DAB1: variants seen among roughly 807,000 people sequenced by gnomAD.
DAB1 encodes disabled homolog 1.
In DAB1, 15 loss-of-function variants were observed where a neutral mutation model predicts 64.6. The observed-to-expected ratio is 0.23, with a 90% CI of 0.16 to 0.36. The LOEUF (loss-of-function observed/expected upper bound fraction) is 0.36, where lower values mean the gene tolerates loss of function less well. Ranked by LOEUF, DAB1 falls within the 10% of genes least tolerant of loss-of-function variation. The probability of loss-of-function intolerance (pLI) is 1.00; values close to 1 mark genes in which losing one functional copy is unlikely to be tolerated. For synonymous variants in DAB1, 235 were observed against 251.9 expected (o/e 0.93, Z 0.64); for missense variants, 596 against 706.7 (o/e 0.84, Z 1.78).
intron 2 of DAB1, among the ~76,000 whole-genome samples, chr1:57,286,552 G>A (rs1260163471): frequency 6.6e-6 from 1 of 152,074 alleles, no homozygotes; most frequent in African/African-American, 2.4e-5. Context: ...ATTATGCATG[G>A]TTACTTTGTC....
intron 7 of DAB1, among the ~76,000 whole-genome samples, chr1:57,448,509 C>T (rs12044874): frequency 0.65 from 98,653 of 152,032 alleles, 32,504 homozygotes; most frequent in East Asian, 0.96. Context: ...ACTAACAACA[C>T]TTGATTGTTA....
chr1:57,850,835 C>T lies in DAB1; in HGVS notation n.88-24380G>A, dbSNP rs75912048. Among the ~76,000 whole-genome samples the T allele has an allele frequency of 7.9e-5, 12 of 152,294 alleles. No individual in the cohort carries two copies. The East Asian group carries it at 2.3e-3, about 29-fold the overall frequency. ...AGCTGTGCGTGACTTGAAATTTAAG[C>T]ATTCCTCTTTCAACTCTCTGATAAG... is the stretch of plus-strand genomic sequence containing the variant. On this transcript the variant is annotated intron_variant and non_coding_transcript_variant, in intron 1 of 1. Transcript: ENST00000477280.
At chr1:58,512,617 C>T (rs187053171) in intron 2 of DAB1, among the ~76,000 whole-genome samples, 2 of 152,260 alleles carry the variant, frequency 1.3e-5, no homozygotes, top group Admixed American at 1.3e-4. Flanking sequence ...ACCTTGAGGA[C>T]ATTAAGCTAA....
At chr1:57,136,762 C>T (rs1299682261) in intron 3 of DAB1, 121 bp from the exon 4 acceptor site, 4 of 481,080 alleles carry the variant, frequency 8.3e-6, no homozygotes, top group South Asian at 5.2e-5. Context: ...GCTTTCCCTT[C>T]GCACTTCCAT....
intron 3 of DAB1, among the ~76,000 whole-genome samples, chr1:58,421,986 T>C (rs1569757407): frequency 6.7e-6 from 1 of 149,196 alleles, no homozygotes; most frequent in Non-Finnish European, 1.5e-5. Context: ...TTGGGTGCTA[T>C]TAAGTAGACG....
intron 5 of DAB1, among the ~76,000 whole-genome samples, chr1:57,929,103 G>A (rs1275750315): frequency 6.6e-6 from 1 of 152,210 alleles, no homozygotes; most frequent in East Asian, 1.9e-4. Flanking sequence ...CCAGCATTTA[G>A]TAGTCCCTGA....
chr1:57,865,903 G>T (rs974996520), intron 1 of DAB1, among the ~76,000 whole-genome samples: 3 of 152,116 alleles, frequency 2.0e-5, no homozygotes, highest in Non-Finnish European at 4.4e-5. Flanking sequence ...TCTGGGGTCT[G>T]GGAAATCCAA....
At chr1:57,621,147 G>T (rs1361442840) in intron 7 of DAB1, among the ~76,000 whole-genome samples, 1 of 151,482 alleles carries the variant, frequency 6.6e-6, no homozygotes, top group Non-Finnish European at 1.5e-5. Flanking sequence ...GTGTATTGGG[G>T]GAGACAACAG....
In DAB1 at chr1:57,254,983, G is replaced by A. The variant is rs1045879328; in HGVS notation, c.67+35981C>T. Among the ~76,000 whole-genome samples the A allele has an allele frequency of 4.6e-5, 7 of 152,012 alleles. No homozygotes were observed. In the South Asian group the frequency reaches 8.3e-4, roughly 18 times the overall value. On this transcript the variant is annotated intron_variant, in intron 2 of 14. Coordinates refer to ENST00000371236, the MANE Select transcript of DAB1 (RefSeq NM_001365792.1). ...ATACAGCATTCTTTATGTCCATAAC[G>A]TAGAAGGCAAAAGACTACTATTTTT...
intron 6 of DAB1, among the ~76,000 whole-genome samples, chr1:57,747,911 G>A (rs566640125): frequency 3.3e-5 from 5 of 150,826 alleles, no homozygotes; most frequent in East Asian, 2.0e-4. Context: ...ATAGAGTGTC[G>A]CTGGAAGGCT....
intron 1 of DAB1, among the ~76,000 whole-genome samples, chr1:58,540,667 T>A (rs55721304): frequency 0.12 from 17,346 of 148,420 alleles, 1,191 homozygotes; most frequent in African/African-American, 0.19. Context: ...TTTGAAGACG[T>A]ATCAATAGAA....
rs182424603 is a variant in DAB1 at position 58,162,099 on chromosome 1, G to A, written n.310-11511C>T. On this transcript the variant is annotated intron_variant and non_coding_transcript_variant, in intron 4 of 20. Coordinates refer to the DAB1 transcript ENST00000485760. ...AATGTTCGGTGATAGATAGGATGTA[G>A]GGCATGAAAGAGAGGGAGGTATAAA... Among the ~76,000 whole-genome samples, 329 of 152,216 alleles carry A rather than the reference G, an allele frequency of 2.2e-3. 3 individuals carry two copies. The highest frequency in any genetic ancestry group is 1.3e-3 in the Non-Finnish European group (86 of 67,998).
rs749812553 is a variant in DAB1 at position 57,217,118 on chromosome 1, G to A, written c.68-71689C>T. Among the ~76,000 whole-genome samples the A allele has an allele frequency of 2.6e-5, 4 of 152,268 alleles. No individual in the cohort carries two copies. In the South Asian group the frequency reaches 6.2e-4, roughly 24 times the overall value. On this transcript the variant is annotated intron_variant, in intron 2 of 14. Coordinates refer to ENST00000371236, the MANE Select transcript of DAB1 (RefSeq NM_001365792.1). ...GCCTTCTCAGGATGGCACAGATAAC[G>A]ATATTGAAAGAACTGCCTAAGAAAA... is the stretch of plus-strand genomic sequence containing the variant.
At chr1:57,523,792 G>T (rs550258410) in intron 7 of DAB1, among the ~76,000 whole-genome samples, 2 of 152,116 alleles carry the variant, frequency 1.3e-5, no homozygotes, top group Non-Finnish European at 2.9e-5. Flanking sequence ...GGGTGTGATG[G>T]TGCATCCCTG....
At chr1:57,975,889 T>C (rs1043322469) in intron 5 of DAB1, among the ~76,000 whole-genome samples, 2 of 152,204 alleles carry the variant, frequency 1.3e-5, no homozygotes, top group African/African-American at 4.8e-5. Context: ...TTGACAAACT[T>C]AAGGACTTCA....
chr1:57,188,818 G>T (rs1259407155), intron 2 of DAB1, among the ~76,000 whole-genome samples: 1 of 152,164 alleles, frequency 6.6e-6, no homozygotes, highest in Non-Finnish European at 1.5e-5. Context: ...TACTTCAATA[G>T]TTAGAGCTAA....
chr1:58,251,849 C>T (rs1199446637), intron 4 of DAB1, among the ~76,000 whole-genome samples: 2 of 151,940 alleles, frequency 1.3e-5, no homozygotes, highest in African/African-American at 2.4e-5. Context: ...CTGAAGGGGG[C>T]GTGGGTGGAA....
At chr1:57,163,810 G>T (rs935127004) in intron 2 of DAB1, among the ~76,000 whole-genome samples, 18 of 152,088 alleles carry the variant, frequency 1.2e-4, no homozygotes, top group African/African-American at 4.3e-4. Flanking sequence ...TGTAACTCTG[G>T]GTTTTGGCTT....
chr1:57,859,107 A>G (rs852806), intron 1 of DAB1, among the ~76,000 whole-genome samples: 87,938 of 151,928 alleles, frequency 0.58, 25,559 homozygotes, highest in Admixed American at 0.64. Flanking sequence ...TTCCCTAAGC[A>G]GCCGAGATGG....
Sources: gnomAD v4.1 joint callset for allele counts (sites outside exome capture counted in the v4.1 genomes callset) on GRCh38, gnomAD v4.1.1 for gene constraint, MANE v1.5 for transcripts, NCBI Gene and HGNC (gene_info 2026-07-23, HGNC 2026-07-21) for gene names.